The following RBFOX1 variants were observed in gnomAD, a reference collection of about 807,000 sequenced individuals.
RBFOX1 encodes RNA binding protein fox-1 homolog 1.
RBFOX1 carries 8 observed loss-of-function variants against 57.7 expected under a neutral mutation model. That is an observed-to-expected ratio of 0.14 (90% confidence interval 0.08 to 0.25). The LOEUF (loss-of-function observed/expected upper bound fraction) is 0.25. Ranked by LOEUF, RBFOX1 falls within the 10% of genes least tolerant of loss-of-function variation. The pLI, the probability that RBFOX1 is intolerant of heterozygous loss-of-function variation, is 1.00. For missense variants in RBFOX1, 611 were observed against 548.5 expected (o/e 1.11, Z -1.14); for synonymous variants, 326 against 222.4 (o/e 1.47, Z -4.15).
intron 1 of RBFOX1, among the ~76,000 whole-genome samples, chr16:6,086,318 G>T (rs1288982846): frequency 6.6e-6 from 1 of 152,132 alleles, no homozygotes; most frequent in Non-Finnish European, 1.5e-5. Context: ...GTTATTTGCT[G>T]TTCACCCAGC....
intron 5 of RBFOX1, among the ~76,000 whole-genome samples, chr16:7,575,933 C>A (rs1174107037): frequency 6.6e-6 from 1 of 151,888 alleles, no homozygotes; most frequent in Admixed American, 6.6e-5. Context: ...CCATTAGTGT[C>A]CTTTTTGTTT....
intron 1 of RBFOX1, among the ~76,000 whole-genome samples, chr16:5,359,123 AT>A: frequency 6.6e-6 from 1 of 152,254 alleles, no homozygotes; most frequent in Non-Finnish European, 1.5e-5. Context: ...TTTCATCCAC[AT>A]TTTTGCAAAT....
chr16:7,124,630 A>T (rs557254702), intron 4 of RBFOX1, among the ~76,000 whole-genome samples: 3 of 149,852 alleles, frequency 2.0e-5, no homozygotes, highest in Non-Finnish European at 2.9e-5. Context: ...CAATAGGGCA[A>T]CACATGATAG....
chr16:5,789,828 G>A (rs1290223702), intron 3 of RBFOX1, among the ~76,000 whole-genome samples: 1 of 152,140 alleles, frequency 6.6e-6, no homozygotes, highest in Non-Finnish European at 1.5e-5. Flanking sequence ...CAACCTTCCT[G>A]AATTCACCAT....
intron 3 of RBFOX1, among the ~76,000 whole-genome samples, chr16:5,624,555 G>T (rs1325620987): frequency 6.6e-6 from 1 of 152,210 alleles, no homozygotes; most frequent in African/African-American, 2.4e-5. Context: ...AACCCCCTGA[G>T]TTCCTGGGAT....
chr16:5,798,808 C>G (rs959697766), intron 3 of RBFOX1, among the ~76,000 whole-genome samples: 29 of 152,182 alleles, frequency 1.9e-4, no homozygotes, highest in African/African-American at 6.8e-4. Context: ...TGTGAGGTTC[C>G]TCCCAGGTGC....
At chr16:6,878,587 A>C (rs981465107) in intron 3 of RBFOX1, among the ~76,000 whole-genome samples, 1 of 152,184 alleles carries the variant, frequency 6.6e-6, no homozygotes, top group Non-Finnish European at 1.5e-5. Flanking sequence ...TGACTGACAC[A>C]TGCAGTGTCC....
At chr16:6,021,500 G>A (rs2095076308) in intron 1 of RBFOX1, among the ~76,000 whole-genome samples, 1 of 152,154 alleles carries the variant, frequency 6.6e-6, no homozygotes. Context: ...GGTAAAGGTG[G>A]TGCTGGCAGT....
Position 7,567,249 on chromosome 16 carries a change from CCCTA to C in RBFOX1, c.271-12527_271-12524del, listed in dbSNP as rs1567864601. 3.2e-4 allele frequency among the ~76,000 whole-genome samples: 14 copies of C among 44,354 alleles called. 1 individual carries two copies. The highest frequency in any genetic ancestry group is 4.9e-4 in the Admixed American group (2 of 4,072). The allele number at this position is 44,354 out of a possible 152,430, so 29.1% of individuals were successfully genotyped here. ...TATCCCTATATATATATCCATATAT[CCCTA>C]TATATATATATCCCTATATATATAT... On this transcript the variant is annotated intron_variant, in intron 5 of 15. Transcript: ENST00000550418.
intron 3 of RBFOX1, among the ~76,000 whole-genome samples, chr16:6,917,121 G>C (rs894264862): frequency 6.6e-6 from 1 of 152,148 alleles, no homozygotes; most frequent in East Asian, 1.9e-4. Context: ...AGAGTGCTGG[G>C]GTTACAGGTG....
rs959362612 is a variant in RBFOX1 at position 7,335,584 on chromosome 16, GAAAAAAA to G, written c.28-182544_28-182538del. Among the ~76,000 whole-genome samples the G allele has an allele frequency of 2.9e-4, 22 of 74,650 alleles. No homozygotes were observed. In the East Asian group the frequency reaches 4.6e-3, roughly 16 times the overall value. The allele number at this position is 74,650 out of a possible 152,430, so 49.0% of individuals were successfully genotyped here. A position where few individuals can be genotyped will look rare whatever the true frequency, so the allele number is the denominator to read the frequency against. On this transcript the variant is annotated intron_variant, in intron 4 of 15. Coordinates refer to ENST00000550418, the MANE Select transcript of RBFOX1 (RefSeq NM_018723.4). ...CCCTGTTTTAGTTGCCTCAGATAAA[GAAAAAAA>G]AAAAAAAAAAAAAAAAAACCAAGTG...
chr16:6,690,546 A>G (rs1308220202), intron 3 of RBFOX1, among the ~76,000 whole-genome samples: 1 of 88,654 alleles, frequency 1.1e-5, no homozygotes, highest in African/African-American at 4.1e-5. Context: ...AACCTCAAAG[A>G]TCATCGTTTC....
intron 4 of RBFOX1, among the ~76,000 whole-genome samples, chr16:5,925,189 G>T (rs563718439): frequency 6.6e-6 from 1 of 152,266 alleles, no homozygotes; most frequent in East Asian, 1.9e-4. Context: ...CCTGAGCCCA[G>T]TCCCTACTGC....
At chr16:5,710,117 A>C (rs1567431156) in intron 3 of RBFOX1, among the ~76,000 whole-genome samples, 1 of 151,760 alleles carries the variant, frequency 6.6e-6, no homozygotes, top group African/African-American at 2.4e-5. Context: ...CTGAAGATGC[A>C]TGTGAGAGAT....
At chr16:6,622,700 C>G (rs1245208773) in intron 2 of RBFOX1, among the ~76,000 whole-genome samples, 2 of 152,168 alleles carry the variant, frequency 1.3e-5, no homozygotes, top group Non-Finnish European at 2.9e-5. Flanking sequence ...TTGTCCTTCT[C>G]TTTCCTCCTG....
chr16:7,525,856 A>T (rs868555567), intron 5 of RBFOX1, among the ~76,000 whole-genome samples: 8 of 152,240 alleles, frequency 5.3e-5, no homozygotes, highest in South Asian at 2.1e-4. Flanking sequence ...TGAGTTGGGA[A>T]TGGTGCAGTT....
At position 7,336,600 on chromosome 16, in the gene RBFOX1, A is replaced by G. The variant is rs1028447634; in HGVS notation, c.28-181547A>G. 5.3e-5 allele frequency among the ~76,000 whole-genome samples: 8 copies of G among 152,378 alleles called. No homozygotes were observed. In the South Asian group the frequency reaches 1.7e-3, roughly 32 times the overall value. The stretch of plus-strand genomic sequence containing the variant: ...CAATCTAGTGGAAGAACTAGTAGGT[A>G]AACCCCAACTATAAGACTATAATGA... On this transcript the variant is annotated intron_variant, in intron 4 of 15. Transcript: ENST00000550418.
intron 1 of RBFOX1, among the ~76,000 whole-genome samples, chr16:5,416,340 C>T (rs1367180422): frequency 2.6e-5 from 4 of 152,192 alleles, no homozygotes; most frequent in African/African-American, 9.7e-5. Context: ...CTCTTAAGCC[C>T]TGCCTTATAG....
At chr16:7,528,369 T>G (rs994422008) in intron 5 of RBFOX1, among the ~76,000 whole-genome samples, 1 of 152,218 alleles carries the variant, frequency 6.6e-6, no homozygotes, top group African/African-American at 2.4e-5. Flanking sequence ...AACACCCAAA[T>G]CCATCCTTTC....
Sources: allele counts gnomAD v4.1 joint callset (sites outside exome capture counted in the v4.1 genomes callset), GRCh38; gene constraint gnomAD v4.1.1; transcripts MANE v1.5; gene names NCBI Gene and HGNC (gene_info 2026-07-23, HGNC 2026-07-21).